Variants in DLG2 observed in about 807,000 individuals in gnomAD.
DLG2 encodes discs large MAGUK scaffold protein 2, also known as disks large homolog 2.
A neutral mutation model predicts 132.5 loss-of-function variants in DLG2; 45 were observed. That is an observed-to-expected ratio of 0.34 (90% CI 0.27 to 0.44). DLG2 has a LOEUF of 0.44. DLG2 is among the 20% of genes least tolerant of loss of function. DLG2 has a pLI of 1.00. For synonymous variants in DLG2, 424 were observed against 419.6 expected (o/e 1.01, Z -0.13); for missense variants, 1,045 against 1,196.9 (o/e 0.87, Z 1.87).
chr11:83,953,928 GAA>G (rs2086147789), intron 14 of DLG2, among the ~76,000 whole-genome samples: 1 of 152,022 alleles, frequency 6.6e-6, no homozygotes, highest in Non-Finnish European at 1.5e-5. Flanking sequence ...TTGCATCAAT[GAA>G]CTAAAGAATG....
chr11:84,900,356 C>G (rs1228612545), intron 6 of DLG2, among the ~76,000 whole-genome samples: 1 of 152,010 alleles, frequency 6.6e-6, no homozygotes, highest in African/African-American at 2.4e-5. Context: ...ATTGAACCCA[C>G]AAATATTCTG....
chr11:84,970,761 CTCTT>C (rs1284795797), intron 6 of DLG2, among the ~76,000 whole-genome samples: 1 of 152,154 alleles, frequency 6.6e-6, no homozygotes, highest in African/African-American at 2.4e-5. Context: ...CAAAATACTC[CTCTT>C]TATTTTCACA....
chr11:83,474,423 G>A (rs1180402621), intron 22 of DLG2, among the ~76,000 whole-genome samples: 2 of 152,084 alleles, frequency 1.3e-5, no homozygotes, highest in South Asian at 2.1e-4. Flanking sequence ...AAAAATTCTT[G>A]GGGAGAAAGT....
intron 6 of DLG2, among the ~76,000 whole-genome samples, chr11:84,814,442 T>C (rs1341558883): frequency 3.9e-5 from 6 of 152,052 alleles, no homozygotes; most frequent in Non-Finnish European, 7.4e-5. Context: ...TCTCACCATG[T>C]CTCTCCAATA....
At chr11:83,579,416 C>G (rs975013472) in intron 19 of DLG2, among the ~76,000 whole-genome samples, 1 of 152,184 alleles carries the variant, frequency 6.6e-6, no homozygotes, top group African/African-American at 2.4e-5. Context: ...AATTTTGTTT[C>G]TGGCCAAACC....
intron 14 of DLG2, among the ~76,000 whole-genome samples, chr11:83,962,531 T>C (rs2089118875): frequency 6.6e-6 from 1 of 152,130 alleles, no homozygotes; most frequent in African/African-American, 2.4e-5. Flanking sequence ...ATATATAATA[T>C]TGGCATGCTA....
At chr11:85,093,550 A>G (rs549751312) in intron 6 of DLG2, among the ~76,000 whole-genome samples, 6 of 152,222 alleles carry the variant, frequency 3.9e-5, no homozygotes, top group Non-Finnish European at 8.8e-5. Context: ...TAATGTACTC[A>G]TAGCTCCACA....
intron 6 of DLG2, among the ~76,000 whole-genome samples, chr11:84,912,040 G>A (rs17808971): frequency 0.1 from 15,261 of 152,142 alleles, 911 homozygotes; most frequent in Non-Finnish European, 0.1. Flanking sequence ...GGGATCCAAA[G>A]TATACCATAA....
At chr11:83,846,891 A>G (rs970398968) in intron 16 of DLG2, among the ~76,000 whole-genome samples, 2 of 144,756 alleles carry the variant, frequency 1.4e-5, no homozygotes, top group Non-Finnish European at 3.0e-5. Context: ...GTTGCTCCAC[A>G]TACGTTCTCA....
intron 6 of DLG2, among the ~76,000 whole-genome samples, chr11:84,898,569 T>C (rs2090488664): frequency 6.6e-6 from 1 of 151,946 alleles, no homozygotes; most frequent in African/African-American, 2.4e-5. Context: ...AAATTTAGAA[T>C]TATTTCTGTT....
intron 9 of DLG2, among the ~76,000 whole-genome samples, chr11:84,160,741 T>A (rs1395782824): frequency 6.6e-6 from 1 of 152,168 alleles, no homozygotes; most frequent in Non-Finnish European, 1.5e-5. Flanking sequence ...ATTCAATGGA[T>A]AACTGGTAAT....
intron 6 of DLG2, among the ~76,000 whole-genome samples, chr11:84,806,111 T>C (rs2075968756): frequency 6.6e-6 from 1 of 152,084 alleles, no homozygotes; most frequent in African/African-American, 2.4e-5. Context: ...ATCAGTGAAC[T>C]GGAAGATAAA....
chr11:84,781,692 T>G (rs912212026), intron 6 of DLG2, among the ~76,000 whole-genome samples: 1 of 152,252 alleles, frequency 6.6e-6, no homozygotes, highest in East Asian at 1.9e-4. Context: ...GCAGTAGTTA[T>G]AGTTGAGACA....
At chr11:83,610,994 C>G (rs2060033853) in intron 19 of DLG2, among the ~76,000 whole-genome samples, 1 of 152,170 alleles carries the variant, frequency 6.6e-6, no homozygotes, top group African/African-American at 2.4e-5. Context: ...TTCTGGCTCT[C>G]AAGTACAGGT....
At chr11:83,576,893 T>G (rs2096882023) in intron 19 of DLG2, among the ~76,000 whole-genome samples, 1 of 152,182 alleles carries the variant, frequency 6.6e-6, no homozygotes, top group African/African-American at 2.4e-5. Context: ...CTTTTCCTTG[T>G]TATTTAAACT....
intron 7 of DLG2, among the ~76,000 whole-genome samples, chr11:84,308,889 C>T (rs892459943): frequency 3.3e-5 from 5 of 152,304 alleles, no homozygotes; most frequent in African/African-American, 9.6e-5. Context: ...AAGCATGGCG[C>T]GCAGCCCCAG....
At chr11:84,923,118 T>C (rs1401702204) in intron 6 of DLG2, 1 of 1,613,730 alleles carries the variant, frequency 6.2e-7, no homozygotes, top group Non-Finnish European at 8.5e-7. Flanking sequence ...GCAAAGAACA[T>C]TGCAGTAAAT....
intron 6 of DLG2, among the ~76,000 whole-genome samples, chr11:84,542,206 G>C (rs1273580963): frequency 6.6e-6 from 1 of 152,094 alleles, no homozygotes; most frequent in Admixed American, 6.6e-5. Flanking sequence ...GAACATGTTT[G>C]TGTGCACATG....
chr11:85,266,926 C>T lies in DLG2; in HGVS notation c.186+18294G>A, dbSNP rs141105923. Among the ~76,000 whole-genome samples, 26 of 152,268 alleles carry T rather than the reference C, an allele frequency of 1.7e-4. No individual in the cohort carries two copies. The East Asian group carries it at 4.8e-3, about 28-fold the overall frequency. ...TTATAGAGAGTATAAACTTTCCATT[C>T]TGGGTAATAACAGTTTTTTCAGGAT... On this transcript the variant is annotated intron_variant, in intron 4 of 27. Coordinates refer to ENST00000376104, the MANE Select transcript of DLG2 (RefSeq NM_001142699.3).
Sources: gnomAD v4.1 joint callset for allele counts (sites outside exome capture counted in the v4.1 genomes callset) on GRCh38, gnomAD v4.1.1 for gene constraint, MANE v1.5 for transcripts, NCBI Gene and HGNC (gene_info 2026-07-23, HGNC 2026-07-21) for gene names.